GRIN2A: variants seen among roughly 807,000 people sequenced by gnomAD.
The protein encoded by GRIN2A is glutamate ionotropic receptor NMDA type subunit 2A.
Under a neutral mutation model 113.4 loss-of-function variants are expected in GRIN2A, and 22 were observed. The observed-to-expected ratio is 0.19, with a 90% CI of 0.14 to 0.28. The LOEUF is 0.28. Among genes scored for constraint, GRIN2A ranks in the 10% least tolerant of loss-of-function variants. The pLI, the probability that GRIN2A is intolerant of heterozygous loss-of-function variation, is 1.00. For missense variants in GRIN2A, 1,502 were observed against 1,887.0 expected (o/e 0.80, Z 3.78); for synonymous variants, 827 against 738.4 (o/e 1.12, Z -1.94).
chr16:9,904,926 C>A (rs774168253), intron 3 of GRIN2A, among the ~76,000 whole-genome samples: 5 of 152,198 alleles, frequency 3.3e-5, no homozygotes, highest in Non-Finnish European at 5.9e-5. Context: ...TGTGACCAAC[C>A]ATCCCAGTTG....
At position 9,761,643 on chromosome 16, in the gene GRIN2A, G is replaced by T. The variant is rs1248777059; in HGVS notation, c.*1506C>A. On this transcript the variant is annotated 3_prime_UTR_variant, in exon 13 of 13. Coordinates refer to ENST00000330684, the MANE Select transcript of GRIN2A (RefSeq NM_001134407.3). The stretch of plus-strand genomic sequence containing the variant: ...TAACATAGCAACTATCTTGTCGGGG[G>T]CACTTGTTTTTGTGGCAGGCACTGT... 1.7e-5 allele frequency: 4 copies of T among 228,816 alleles called. No homozygotes were observed. The highest frequency in any genetic ancestry group is 6.2e-5 in the East Asian group (1 of 16,014). The allele number at this position is 228,816 out of a possible 1,614,324, so 14.2% of individuals were successfully genotyped here.
intron 2 of GRIN2A, among the ~76,000 whole-genome samples, chr16:10,174,284 G>C (rs1470650145): frequency 6.6e-6 from 1 of 152,194 alleles, no homozygotes; most frequent in Non-Finnish European, 1.5e-5. Flanking sequence ...ACCTACATGA[G>C]ATGGACTCCT....
intron 2 of GRIN2A, among the ~76,000 whole-genome samples, chr16:10,035,050 G>A (rs2046999699): frequency 6.6e-6 from 1 of 150,416 alleles, no homozygotes; most frequent in African/African-American, 2.4e-5. Context: ...TTTAGAGACA[G>A]GGTCTCGTTC....
chr16:9,775,158 C>A (rs1032152898), intron 11 of GRIN2A, among the ~76,000 whole-genome samples: 3 of 152,122 alleles, frequency 2.0e-5, no homozygotes, highest in Non-Finnish European at 4.4e-5. Flanking sequence ...CCAAAATTTG[C>A]TGAAACATAT....
chr16:10,032,226 C>A (rs1436952642), intron 2 of GRIN2A, among the ~76,000 whole-genome samples: 2 of 152,204 alleles, frequency 1.3e-5, no homozygotes, highest in Non-Finnish European at 2.9e-5. Flanking sequence ...GACCTTCAAA[C>A]AAGCTACTTC....
chr16:9,845,282 T>C (rs1426026170), intron 5 of GRIN2A, among the ~76,000 whole-genome samples: 1 of 152,228 alleles, frequency 6.6e-6, no homozygotes, highest in Non-Finnish European at 1.5e-5. Flanking sequence ...GCAATTTATT[T>C]TGATTTCTCT....
intron 2 of GRIN2A, among the ~76,000 whole-genome samples, chr16:9,970,086 G>T (rs1439130442): frequency 2.0e-5 from 3 of 152,204 alleles, no homozygotes; most frequent in Admixed American, 2.0e-4. Context: ...TCGAGTTCTT[G>T]TTCTGCACCA....
chr16:9,825,565 T>A (rs2042372400), intron 9 of GRIN2A, among the ~76,000 whole-genome samples: 1 of 152,224 alleles, frequency 6.6e-6, no homozygotes, highest in South Asian at 2.1e-4. Flanking sequence ...TTTTTTCTTT[T>A]TTTGTGAACC....
intron 9 of GRIN2A, among the ~76,000 whole-genome samples, chr16:9,827,729 C>T (rs2042412529): frequency 6.6e-6 from 1 of 152,156 alleles, no homozygotes; most frequent in Non-Finnish European, 1.5e-5. Flanking sequence ...GCACACAGCG[C>T]TGCAAAAGGG....
chr16:10,027,626 G>A (rs1347508297), intron 2 of GRIN2A: 1 of 152,526 alleles, frequency 6.6e-6, no homozygotes, highest in African/African-American at 2.4e-5. Context: ...GATGATGGAA[G>A]GGGAACCCAG....
At chr16:9,870,628 C>CTTT (rs951273100) in intron 4 of GRIN2A, among the ~76,000 whole-genome samples, 7 of 138,184 alleles carry the variant, frequency 5.1e-5, no homozygotes, top group East Asian at 4.2e-4. Context: ...AACTTTTTTT[C>CTTT]TTTTTTTTTT....
intron 4 of GRIN2A, among the ~76,000 whole-genome samples, chr16:9,868,359 C>A (rs1242169570): frequency 6.6e-6 from 1 of 152,138 alleles, no homozygotes; most frequent in Admixed American, 6.5e-5. Context: ...CTCCGCCTCC[C>A]GGGTTCGAGC....
At chr16:10,045,338 T>G (rs1346121571) in intron 2 of GRIN2A, among the ~76,000 whole-genome samples, 3 of 152,220 alleles carry the variant, frequency 2.0e-5, no homozygotes, top group Non-Finnish European at 4.4e-5. Context: ...TGTTCTTCCT[T>G]CTTATGTTTA....
Position 9,760,320 on chromosome 16 carries a change from C to T in GRIN2A, c.*2829G>A, listed in dbSNP as rs1429088251. 1 of 201,736 alleles carries T rather than the reference C, an allele frequency of 5.0e-6. No homozygotes were observed. Among genetic ancestry groups the T allele is most frequent in the African/African-American group, 2.4e-5 (1 of 42,356 alleles). 12.5% of individuals were successfully genotyped at this position (201,736 alleles called of 1,614,324 possible). ...CAAAGACTGAACTGACTTAGATGAC[C>T]TTTGAATAACTCTACATCTTTTCCT... is the stretch of plus-strand genomic sequence containing the variant. On this transcript the variant is annotated 3_prime_UTR_variant, in exon 13 of 13. Coordinates refer to ENST00000330684, the MANE Select transcript of GRIN2A (RefSeq NM_001134407.3).
intron 2 of GRIN2A, among the ~76,000 whole-genome samples, chr16:10,133,884 T>A (rs2049128708): frequency 6.6e-6 from 1 of 152,108 alleles, no homozygotes; most frequent in Non-Finnish European, 1.5e-5. Flanking sequence ...CAAACAATTT[T>A]GGAATTCAGT....
chr16:10,049,115 T>C (rs2047309964), intron 2 of GRIN2A, among the ~76,000 whole-genome samples: 1 of 152,174 alleles, frequency 6.6e-6, no homozygotes, highest in South Asian at 2.1e-4. Flanking sequence ...GAAATTACCC[T>C]TCCAAAGATC....
chr16:10,007,146 G>A (rs1051497571), intron 2 of GRIN2A, among the ~76,000 whole-genome samples: 1 of 152,160 alleles, frequency 6.6e-6, no homozygotes, highest in Non-Finnish European at 1.5e-5. Flanking sequence ...TGGGTATATA[G>A]TTGACAGCGG....
chr16:9,983,845 T>C (rs1014691358), intron 2 of GRIN2A, among the ~76,000 whole-genome samples: 1 of 152,238 alleles, frequency 6.6e-6, no homozygotes, highest in Non-Finnish European at 1.5e-5. Flanking sequence ...CCCCTGTGAA[T>C]AGTGCTGCAA....
At chr16:9,959,828 C>T (rs2045396170) in intron 2 of GRIN2A, among the ~76,000 whole-genome samples, 1 of 152,078 alleles carries the variant, frequency 6.6e-6, no homozygotes, top group Non-Finnish European at 1.5e-5. Context: ...ACAAAAACTA[C>T]CTGGGCGTGG....
Sources: allele counts gnomAD v4.1 joint callset (sites outside exome capture counted in the v4.1 genomes callset), GRCh38; gene constraint gnomAD v4.1.1; transcripts MANE v1.5; gene names NCBI Gene and HGNC (gene_info 2026-07-23, HGNC 2026-07-21).